The following DOCK8 variants were observed in gnomAD, a reference collection of about 807,000 sequenced individuals.
The protein encoded by DOCK8 is dedicator of cytokinesis 8.
In DOCK8, 141 loss-of-function variants were observed where a neutral mutation model predicts 245.6. The ratio of observed to expected loss-of-function variants is 0.57; its 90% confidence interval spans 0.50 to 0.66. The LOEUF is 0.66. Among genes scored for constraint, DOCK8 ranks in the 30% least tolerant of loss-of-function variants. DOCK8 has a pLI of 0.00. For synonymous variants in DOCK8, 1,168 were observed against 970.2 expected (o/e 1.20, Z -3.79); for missense variants, 2,965 against 2,603.4 (o/e 1.14, Z -3.02).
intron 6 of DOCK8, chr9:314,161 C>A (rs2050245668): frequency 6.6e-6 from 1 of 152,144 alleles, no homozygotes. Context: ...AACTGAAATC[C>A]AAATATGATA....
At chr9:340,606 A>C in intron 14 of DOCK8, 1 of 266,274 alleles carries the variant, frequency 3.8e-6, no homozygotes, top group Non-Finnish European at 7.2e-6. Context: ...GGGAGACAGA[A>C]CCAGACTCTG....
chr9:268,512 C>T (rs570782667), intron 1 of DOCK8, among the ~76,000 whole-genome samples: 3 of 152,234 alleles, frequency 2.0e-5, no homozygotes, highest in African/African-American at 7.2e-5. Flanking sequence ...AAAGCAAGAC[C>T]CTATCCTTCC....
intron 4 of DOCK8, among the ~76,000 whole-genome samples, chr9:292,582 C>T (rs1019387082): frequency 1.3e-5 from 2 of 150,984 alleles, no homozygotes; most frequent in African/African-American, 4.9e-5. Context: ...TTTCCTGGTG[C>T]TCTGCTTATT....
intron 40 of DOCK8, 43 bp downstream of exon 40, chr9:439,431 C>T (rs766330322): frequency 6.2e-7 from 1 of 1,607,476 alleles, no homozygotes. Flanking sequence ...CTCCCATACT[C>T]CAGCTGGACT....
intron 4 of DOCK8, 90 bp downstream of exon 4, chr9:289,671 G>T (rs1036219188): frequency 1.6e-6 from 2 of 1,216,894 alleles, no homozygotes; most frequent in African/African-American, 3.1e-5. Flanking sequence ...AACAGTTCTA[G>T]GTTTACAGAA....
intron 1 of DOCK8, among the ~76,000 whole-genome samples, chr9:224,062 C>G (rs2046939622): frequency 6.6e-6 from 1 of 152,118 alleles, no homozygotes. Flanking sequence ...TCAAATAGTT[C>G]TGAAAGTAAT....
intron 1 of DOCK8, among the ~76,000 whole-genome samples, chr9:242,529 T>A (rs618810): frequency 0.36 from 54,669 of 152,082 alleles, 11,305 homozygotes; most frequent in East Asian, 0.79. Flanking sequence ...GCACCTGCTG[T>A]ATCCCTCATA....
chr9:344,507 G>A (rs180925091), intron 14 of DOCK8, among the ~76,000 whole-genome samples: 21 of 152,042 alleles, frequency 1.4e-4, no homozygotes, highest in African/African-American at 4.8e-4. Context: ...AGAATCGAGT[G>A]AGGTCTGAAC....
chr9:374,773 A>G (rs1586834644), intron 18 of DOCK8, among the ~76,000 whole-genome samples: 1 of 150,850 alleles, frequency 6.6e-6, no homozygotes, highest in East Asian at 2.0e-4. Flanking sequence ...GCCCCTTTTT[A>G]CTTTTTTAAT....
intron 28 of DOCK8, among the ~76,000 whole-genome samples, chr9:413,884 A>G (rs984606848): frequency 2.6e-5 from 4 of 152,344 alleles, no homozygotes; most frequent in African/African-American, 7.2e-5. Context: ...GCTCACGCCT[A>G]TAATCTCAGC....
At chr9:229,783 CT>C (rs1320707929) in intron 1 of DOCK8, among the ~76,000 whole-genome samples, 1 of 152,052 alleles carries the variant, frequency 6.6e-6, no homozygotes, top group Non-Finnish European at 1.5e-5. Context: ...AGGATCACCC[CT>C]ATATCAATTA....
intron 37 of DOCK8, among the ~76,000 whole-genome samples, chr9:432,631 G>T (rs915434845): frequency 6.6e-6 from 1 of 152,128 alleles, no homozygotes; most frequent in Non-Finnish European, 1.5e-5. Flanking sequence ...TGCTATGGAA[G>T]GTTAGAGGAA....
At chr9:384,646 G>A (rs547971554) in intron 22 of DOCK8, among the ~76,000 whole-genome samples, 109 of 152,344 alleles carry the variant, frequency 7.2e-4, no homozygotes, top group African/African-American at 2.5e-3. Flanking sequence ...GCCGGGCACC[G>A]TGGCTCATGC....
intron 43 of DOCK8, 59 bp downstream of exon 43, chr9:443,575 A>G: frequency 7.6e-7 from 1 of 1,313,284 alleles, no homozygotes; most frequent in African/African-American, 1.4e-5. Flanking sequence ...TTCTCTACCC[A>G]AGAATACCTA....
At chr9:272,278 C>T (rs1047761475) in intron 2 of DOCK8, among the ~76,000 whole-genome samples, 9 of 152,136 alleles carry the variant, frequency 5.9e-5, no homozygotes, top group African/African-American at 2.2e-4. Flanking sequence ...CGCGCTTTTA[C>T]AATCTCCTCT....
At chr9:328,576 A>C (rs1168750633) in intron 9 of DOCK8, among the ~76,000 whole-genome samples, 4 of 152,196 alleles carry the variant, frequency 2.6e-5, no homozygotes, top group African/African-American at 7.2e-5. Flanking sequence ...ACCTGGTGCA[A>C]AGAAGCTGCT....
chr9:412,369 C>T (rs1006208714), intron 28 of DOCK8, among the ~76,000 whole-genome samples: 17 of 143,380 alleles, frequency 1.2e-4, no homozygotes, highest in African/African-American at 4.2e-4. Flanking sequence ...CACGCTACTG[C>T]ACTCCAGCCT....
At chr9:305,143 GA>G (rs886173649) in intron 5 of DOCK8, among the ~76,000 whole-genome samples, 6 of 152,140 alleles carry the variant, frequency 3.9e-5, no homozygotes, top group African/African-American at 1.4e-4. Context: ...CCTCCCCTGG[GA>G]AACAAGGATG....
intron 1 of DOCK8, among the ~76,000 whole-genome samples, chr9:240,380 GT>G (rs1327552696): frequency 0.02 from 2,875 of 146,158 alleles, 101 homozygotes; most frequent in African/African-American, 0.067. Flanking sequence ...TGTGGCCACA[GT>G]TTTTTTTTTT....
Sources: allele counts gnomAD v4.1 joint callset (sites outside exome capture counted in the v4.1 genomes callset), GRCh38; gene constraint gnomAD v4.1.1; transcripts MANE v1.5; gene names NCBI Gene and HGNC (gene_info 2026-07-23, HGNC 2026-07-21).